SLC36A1: variants seen among roughly 807,000 people sequenced by gnomAD.
SLC36A1 encodes the protein solute carrier family 36 member 1, also known as proton-coupled amino acid transporter 1.
SLC36A1 carries 30 observed loss-of-function variants against 47.5 expected under a neutral mutation model. That is an observed-to-expected ratio of 0.63 (90% CI 0.47 to 0.86). The LOEUF is 0.86. SLC36A1 is among the 40% of genes least tolerant of loss of function. SLC36A1 has a pLI of 0.00. For missense variants in SLC36A1, 517 were observed against 606.0 expected, an observed-to-expected ratio of 0.85 and a Z score of 1.54; for synonymous variants, 255 against 249.7, an observed-to-expected ratio of 1.02 and a Z score of -0.20.
At chr5:151,529,101 A>G in the SLC36A1 span, 3 of 1,237,724 alleles carry the variant, frequency 2.4e-6, no homozygotes, top group Non-Finnish European at 3.6e-6. Flanking sequence ...ATGCTCATAG[A>G]TGGCTGGGTG....
upstream of SLC36A1, among the ~76,000 whole-genome samples, chr5:151,444,049 A>G (rs187913455): frequency 1.4e-3 from 207 of 152,314 alleles, no homozygotes; most frequent in Non-Finnish European, 2.4e-3. Flanking sequence ...TGCCAGTACT[A>G]TACTGTTTGG....
At chr5:151,467,145 A>G in intron 5 of SLC36A1, 54 bp from the exon 6 acceptor site, 1 of 1,359,192 alleles carries the variant, frequency 7.4e-7, no homozygotes, top group Non-Finnish European at 1.0e-6. Context: ...CCCTTCTGGG[A>G]GCATTGCATT....
chr5:151,407,432 C>T, the SLC36A1 span, among the ~76,000 whole-genome samples: 1 of 151,296 alleles, frequency 6.6e-6, no homozygotes, highest in Admixed American at 6.6e-5. Flanking sequence ...ATTTACAATC[C>T]TTTAGCTAGA....
chr5:151,421,534 G>A, the SLC36A1 span, among the ~76,000 whole-genome samples: 902 of 151,222 alleles, frequency 6.0e-3, 14 homozygotes, highest in African/African-American at 0.021. Context: ...GAGCCACCAC[G>A]CCAGGCAAAT....
the SLC36A1 span, among the ~76,000 whole-genome samples, chr5:151,391,662 T>C: frequency 1.3e-5 from 2 of 152,222 alleles, no homozygotes; most frequent in Admixed American, 6.5e-5. Context: ...GAGATAATCA[T>C]GTGGTTTTTG....
chr5:151,488,192 T>C lies in SLC36A1; in HGVS notation c.1369T>C (p.Tyr457His), dbSNP rs753286699. Reference sequence around the variant, plus strand: ...TGTGGTGGGGACCTATGAGGCTCTCTATGAGCTGATCCAGCCAAGCAATGC... The same window carrying C: ...TGTGGTGGGGACCTATGAGGCTCTCCATGAGCTGATCCAGCCAAGCAATGC... ...GFVVGTYEAL[Y>H]ELIQPSNAPI... The change falls in exon 11 of 11, where the codon TAT (tyrosine) becomes CAT (histidine). Residue 457 changes from tyrosine to histidine, a missense_variant. By Grantham distance (83) the Tyr-to-His change is moderately conservative (BLOSUM62 2). Transcript: ENST00000243389. The C allele has an allele frequency of 6.2e-7, 1 of 1,614,216 alleles. No individual in the cohort carries two copies. Among genetic ancestry groups the C allele is most frequent in the Non-Finnish European group, 8.5e-7 (1 of 1,180,034 alleles).
intron 1 of SLC36A1, among the ~76,000 whole-genome samples, chr5:151,455,579 G>C (rs1017744469): frequency 1.3e-5 from 2 of 152,132 alleles, no homozygotes; most frequent in African/African-American, 4.8e-5. Context: ...CGGTTGCTAG[G>C]GAAGGATTGG....
the SLC36A1 span, chr5:151,378,616 G>A: frequency 5.7e-6 from 1 of 175,744 alleles, no homozygotes; most frequent in Non-Finnish European, 1.3e-5. Flanking sequence ...AGGCTGGCCT[G>A]GTTCATCATG....
intron 5 of SLC36A1, among the ~76,000 whole-genome samples, chr5:151,466,400 T>C (rs1756386330): frequency 6.6e-6 from 1 of 152,254 alleles, no homozygotes; most frequent in Non-Finnish European, 1.5e-5. Flanking sequence ...ATACTATGTA[T>C]ACTGTTTGGA....
the SLC36A1 span, among the ~76,000 whole-genome samples, chr5:151,428,606 A>G: frequency 6.6e-6 from 1 of 151,946 alleles, no homozygotes; most frequent in African/African-American, 2.4e-5. Context: ...CATCCTGGAG[A>G]CAAGTGATAA....
At chr5:151,362,608 C>T in the SLC36A1 span, among the ~76,000 whole-genome samples, 1 of 152,084 alleles carries the variant, frequency 6.6e-6, no homozygotes, top group African/African-American at 2.4e-5. Flanking sequence ...CTGTGCTGGT[C>T]TCAAATTTCT....
At chr5:151,357,538 G>T in the SLC36A1 span, among the ~76,000 whole-genome samples, 1 of 152,210 alleles carries the variant, frequency 6.6e-6, no homozygotes, top group Non-Finnish European at 1.5e-5. Context: ...CTAAAGCAGG[G>T]GTTAGTAAAC....
At chr5:151,395,737 T>C in the SLC36A1 span, among the ~76,000 whole-genome samples, 2 of 152,170 alleles carry the variant, frequency 1.3e-5, no homozygotes, top group East Asian at 3.8e-4. Context: ...GTGATAAGGA[T>C]GAGGTCATGC....
At chr5:151,472,259 C>T (rs942908427) in intron 7 of SLC36A1, among the ~76,000 whole-genome samples, 9 of 152,228 alleles carry the variant, frequency 5.9e-5, no homozygotes, top group Non-Finnish European at 7.3e-5. Context: ...GTATCCAGCA[C>T]GGGAGAAAGA....
chr5:151,404,327 C>T, the SLC36A1 span, among the ~76,000 whole-genome samples: 1 of 152,142 alleles, frequency 6.6e-6, no homozygotes, highest in African/African-American at 2.4e-5. Flanking sequence ...AAATGGGTCT[C>T]TTGAAAACAG....
the SLC36A1 span, chr5:151,511,565 G>GT: frequency 6.5e-6 from 1 of 153,870 alleles, no homozygotes; most frequent in Non-Finnish European, 1.4e-5. Flanking sequence ...ATGGAGATGG[G>GT]TGTTTGGAGT....
the SLC36A1 span, chr5:151,544,315 G>A: frequency 6.2e-7 from 1 of 1,614,216 alleles, no homozygotes; most frequent in Non-Finnish European, 8.5e-7. Flanking sequence ...TTGGGAAAAA[G>A]TGGGAGGGTT....
intron 1 of SLC36A1, among the ~76,000 whole-genome samples, chr5:151,455,932 G>A (rs1754429590): frequency 6.6e-6 from 1 of 152,206 alleles, no homozygotes; most frequent in Non-Finnish European, 1.5e-5. Context: ...TCCAGTGTTA[G>A]CATTTTATGA....
At chr5:151,422,770 G>A in the SLC36A1 span, among the ~76,000 whole-genome samples, 5 of 152,058 alleles carry the variant, frequency 3.3e-5, no homozygotes, top group East Asian at 5.8e-4. Context: ...GTGAAGCCCC[G>A]TCTCTACTAA....
Sources: gnomAD v4.1 joint callset for allele counts (sites outside exome capture counted in the v4.1 genomes callset) on GRCh38, gnomAD v4.1.1 for gene constraint, MANE v1.5 for transcripts, NCBI Gene and HGNC (gene_info 2026-07-23, HGNC 2026-07-21) for gene names.